CRYGB: variants seen among roughly 807,000 people sequenced by gnomAD.
CRYGB encodes crystallin gamma B, also known as gamma-crystallin B.
In CRYGB, 19 loss-of-function variants were observed where a neutral mutation model predicts 21.3. That is an observed-to-expected ratio of 0.89 (90% CI 0.62 to 1.31). The LOEUF is 1.31. Ranked by LOEUF, CRYGB falls within the 50% of genes most tolerant of loss-of-function variation. The pLI, the probability that CRYGB is intolerant of heterozygous loss-of-function variation, is 0.00. For synonymous variants in CRYGB, 81 were observed against 81.2 expected (o/e 1.00, Z 0.01); for missense variants, 254 against 228.4 (o/e 1.11, Z -0.72).
intron 2 of CRYGB, 90 bp downstream of exon 2, chr2:208,145,684 G>A (rs1043992845): frequency 8.7e-6 from 12 of 1,374,644 alleles, no homozygotes; most frequent in Middle Eastern, 2.7e-4. Context: ...GCGAGACTCC[G>A]CCTCAAAAAA....
chr2:208,145,962 C>A lies in CRYGB; in HGVS notation c.64G>T (p.Asp22Tyr). ...FQGRSYECTT[D>Y]CPNLQPYFSR... ...AAATAGGGTTGTAGGTTGGGGCAGT[C>A]AGTGGTGCATTCGTAGCTGCGGCCC... The change falls in exon 2 of 3, where the codon GAC (aspartate) becomes TAC (tyrosine). Residue 22 changes from aspartate to tyrosine, a missense_variant. Coordinates refer to ENST00000260988, the MANE Select transcript of CRYGB (RefSeq NM_005210.4). 1 of 1,614,146 alleles carries A rather than the reference C, an allele frequency of 6.2e-7. No homozygotes were observed. Among genetic ancestry groups the A allele is most frequent in the Non-Finnish European group, 8.5e-7 (1 of 1,180,016 alleles).
At chr2:208,145,311 C>T (rs768884157) in intron 2 of CRYGB, among the ~76,000 whole-genome samples, 3 of 151,614 alleles carry the variant, frequency 2.0e-5, no homozygotes, top group African/African-American at 7.2e-5. Flanking sequence ...GGCACGATCT[C>T]GGCTCACTGC....
intron 2 of CRYGB, among the ~76,000 whole-genome samples, chr2:208,145,256 C>G (rs71350714): frequency 0.054 from 4,264 of 79,666 alleles, 82 homozygotes; most frequent in Non-Finnish European, 0.083. Flanking sequence ...TTGTTATTGT[C>G]GTTTTGAGAT....
At chr2:208,145,532 T>C (rs1270443547) in intron 2 of CRYGB, among the ~76,000 whole-genome samples, 2 of 151,242 alleles carry the variant, frequency 1.3e-5, no homozygotes, top group African/African-American at 4.9e-5. Context: ...CTACTATGAA[T>C]ACAAAAATTG....
At chr2:208,143,075 C>A (rs1290511198) in intron 2 of CRYGB, among the ~76,000 whole-genome samples, 162 bp from the exon 3 acceptor site, 2 of 152,172 alleles carry the variant, frequency 1.3e-5, no homozygotes, top group African/African-American at 2.4e-5. Context: ...TGTCACACTC[C>A]CCAGTCACCC....
chr2:208,143,205 A>T (rs543891380), intron 2 of CRYGB, among the ~76,000 whole-genome samples: 1 of 152,362 alleles, frequency 6.6e-6, no homozygotes, highest in Non-Finnish European at 1.5e-5. Context: ...CAAAGGAGAA[A>T]ACTGAGAGTC....
intron 2 of CRYGB, among the ~76,000 whole-genome samples, chr2:208,145,336 G>A (rs973701039): frequency 6.0e-5 from 9 of 150,442 alleles, no homozygotes; most frequent in African/African-American, 9.8e-5. Flanking sequence ...TCCATCTCCC[G>A]GCTTCAAGCA....
At chr2:208,145,639 A>G in intron 2 of CRYGB, 135 bp downstream of exon 2, 1 of 1,431,604 alleles carries the variant, frequency 7.0e-7, no homozygotes, top group Non-Finnish European at 9.1e-7. Flanking sequence ...CAGTGAGCCG[A>G]GATCATGCCA....
rs200143566 is a variant in CRYGB at position 208,145,775 on chromosome 2, G to T, written c.251C>A (p.Pro84Gln). The change falls in exon 2 of 3, where the codon CCG becomes CAG. Residue 84 changes from proline to glutamine, a missense_variant and splice_region_variant. Pro to Gln is a moderately conservative substitution (Grantham distance 76). Transcript: ENST00000260988. Reference protein sequence around the residue: ...DSIRSCCLIPPHSGAYRMKIY... With the variant: ...DSIRSCCLIPQHSGAYRMKIY... The stretch of plus-strand genomic sequence containing the variant: ...AGGCAAAGACAGAGCCACACTCACC[G>T]GGGGGATGAGGCAGCAGGAGCGGAT... The T allele has an allele frequency of 6.2e-7, 1 of 1,611,560 alleles. No homozygotes were observed. Among genetic ancestry groups the T allele is most frequent in the South Asian group, 1.1e-5 (1 of 90,990 alleles).
At chr2:208,144,938 C>G (rs949332471) in intron 2 of CRYGB, among the ~76,000 whole-genome samples, 7 of 152,146 alleles carry the variant, frequency 4.6e-5, no homozygotes, top group African/African-American at 1.4e-4. Context: ...CTCCTGCTCT[C>G]AACTTATTTA....
In CRYGB at chr2:208,145,878, T is replaced by C. The variant is rs761866607; in HGVS notation, c.148A>G (p.Asn50Asp). ...AGGAAGTACTGGTGGCCCTGGTAGT[T>C]GGGGCGCTCATAGATCATCCAGCAG... is the stretch of plus-strand genomic sequence containing the variant. ...SGCWMIYERP[N>D]YQGHQYFLRR... Residue 50 changes from asparagine to aspartate, a missense_variant, in exon 2 of 3, where the codon AAC becomes GAC. Transcript: ENST00000260988. 7 of 1,613,980 alleles carry C rather than the reference T, an allele frequency of 4.3e-6. No individual in the cohort carries two copies. The East Asian group carries it at 1.1e-4, about 26-fold the overall frequency.
At chr2:208,144,395 A>T (rs1177236936) in intron 2 of CRYGB, among the ~76,000 whole-genome samples, 2 of 150,464 alleles carry the variant, frequency 1.3e-5, no homozygotes, top group African/African-American at 4.9e-5. Flanking sequence ...ACGCACACAC[A>T]CACACACATA....
intron 2 of CRYGB, among the ~76,000 whole-genome samples, chr2:208,144,023 T>TG (rs1695408130): frequency 2.2e-5 from 1 of 46,168 alleles, no homozygotes; most frequent in African/African-American, 6.7e-5. Flanking sequence ...TCTTTCTGGG[T>TG]TTTTTTTTTT....
At chr2:208,145,655 C>T in intron 2 of CRYGB, 119 bp downstream of exon 2, 2 of 1,449,224 alleles carry the variant, frequency 1.4e-6, no homozygotes, top group Non-Finnish European at 1.8e-6. Flanking sequence ...TGCCACTGCA[C>T]TCCACCCTGG....
chr2:208,145,047 C>A (rs1651251251), intron 2 of CRYGB, among the ~76,000 whole-genome samples: 1 of 152,150 alleles, frequency 6.6e-6, no homozygotes, highest in Admixed American at 6.5e-5. Flanking sequence ...TCTGCAGTCA[C>A]TGCCCAGAAA....
At chr2:208,143,275 C>T (rs561666152) in intron 2 of CRYGB, among the ~76,000 whole-genome samples, 7 of 152,218 alleles carry the variant, frequency 4.6e-5, no homozygotes, top group Admixed American at 3.9e-4. Flanking sequence ...ATCTTGGGAC[C>T]TCAAAATCAC....
intron 2 of CRYGB, 22 bp from the exon 3 acceptor site, chr2:208,142,935 G>C (rs75525637): frequency 3.1e-5 from 49 of 1,565,678 alleles, no homozygotes; most frequent in Non-Finnish European, 3.9e-5. Context: ...GACAGAAAAC[G>C]CAAGAGTAAA....
intron 2 of CRYGB, among the ~76,000 whole-genome samples, chr2:208,145,558 G>A (rs1450867461): frequency 1.3e-5 from 2 of 151,476 alleles, no homozygotes; most frequent in South Asian, 4.2e-4. Context: ...GCATGGTGGT[G>A]CATGCCTGTA....
Position 208,142,763 on chromosome 2 carries a change from A to G in CRYGB, c.403T>C (p.Tyr135His). The G allele has an allele frequency of 6.2e-7, 1 of 1,614,110 alleles. No individual in the cohort carries two copies. Among genetic ancestry groups the G allele is most frequent in the Non-Finnish European group, 8.5e-7 (1 of 1,179,994 alleles). ...LNVLEGSWIL[Y>H]EMPNYRGRQY... ...CTCCCCCTGTAGTTGGGCATCTCAT[A>G]GAGGATCCAGCTGCCCTCCAGCACA... Residue 135 changes from tyrosine to histidine, a missense_variant, in exon 3 of 3, where the codon TAT becomes CAT. Physicochemically the swap from Tyr to His is moderately conservative, Grantham distance 83. Transcript: ENST00000260988.
Sources: gnomAD v4.1 joint callset for allele counts (sites outside exome capture counted in the v4.1 genomes callset) on GRCh38, gnomAD v4.1.1 for gene constraint, MANE v1.5 for transcripts, NCBI Gene and HGNC (gene_info 2026-07-23, HGNC 2026-07-21) for gene names.